CACNA1S: variants seen among roughly 807,000 people sequenced by gnomAD.
CACNA1S encodes voltage-dependent L-type calcium channel subunit alpha-1S.
In CACNA1S, 126 loss-of-function variants were observed where a neutral mutation model predicts 207.4. That is an observed-to-expected ratio of 0.61 (90% CI 0.53 to 0.70). CACNA1S has a LOEUF of 0.70. Ranked by LOEUF, CACNA1S falls within the 30% of genes least tolerant of loss-of-function variation. The pLI, the probability that CACNA1S is intolerant of heterozygous loss-of-function variation, is 0.00. For synonymous variants in CACNA1S, 960 were observed against 932.7 expected, an observed-to-expected ratio of 1.03 and a Z score of -0.53; for missense variants, 2,349 against 2,422.8, an observed-to-expected ratio of 0.97 and a Z score of 0.64.
chr1:201,075,678 C>CTT, intron 12 of CACNA1S, 63 bp from the exon 13 acceptor site: 1 of 1,558,162 alleles, frequency 6.4e-7, no homozygotes. Flanking sequence ...TCTATTGGGA[C>CTT]CGCATTGACC....
At chr1:201,112,041 A>G in intron 1 of CACNA1S, 147 bp downstream of exon 1, 1 of 578,940 alleles carries the variant, frequency 1.7e-6, no homozygotes, top group Non-Finnish European at 2.7e-6. Flanking sequence ...TCCTTCCCCC[A>G]GCTCCTCACT....
At chr1:201,086,151 G>C (rs1026922149) in intron 7 of CACNA1S, among the ~76,000 whole-genome samples, 1 of 152,214 alleles carries the variant, frequency 6.6e-6, no homozygotes, top group Non-Finnish European at 1.5e-5. Context: ...AGACAGCACA[G>C]GGGTAGTCTC....
In CACNA1S at chr1:201,069,426, G is replaced by A. The variant is rs1661370335; in HGVS notation, c.2490+46C>T. 3.1e-6 allele frequency: 5 copies of A among 1,603,700 alleles called. No homozygotes were observed. In the East Asian group the frequency reaches 1.1e-4, roughly 36 times the overall value. ...GAACCCTGGGCACCAGACTGAGGCT[G>A]GAGGGGGCAGGGGTGCTGAGTGGCA... On this transcript the variant is annotated intron_variant, in intron 18 of 43. Coordinates refer to ENST00000362061, the MANE Select transcript of CACNA1S (RefSeq NM_000069.3).
At chr1:201,087,750 C>T (rs1219557787) in intron 7 of CACNA1S, 76 bp downstream of exon 7, 25 of 984,932 alleles carry the variant, frequency 2.5e-5, no homozygotes, top group South Asian at 4.0e-5. Flanking sequence ...CTTTTCCCTC[C>T]GTTCCTTTTC....
At chr1:201,046,421 TC>T (rs1404925400) in intron 38 of CACNA1S, among the ~76,000 whole-genome samples, 1 of 150,934 alleles carries the variant, frequency 6.6e-6, no homozygotes, top group Non-Finnish European at 1.5e-5. Flanking sequence ...CCTCAAGTGA[TC>T]CGCCCTTCTT....
Position 201,111,871 on chromosome 1 carries a change from G to A in CACNA1S, c.152+317C>T, listed in dbSNP as rs568681286. 2.7e-5 allele frequency among the ~76,000 whole-genome samples: 4 copies of A among 145,566 alleles called. No individual in the cohort carries two copies. The East Asian group carries it at 8.2e-4, about 30-fold the overall frequency. On this transcript the variant is annotated intron_variant, in intron 1 of 43. Transcript: ENST00000362061. Reference sequence around the variant, plus strand: ...CTGGTTGTCATCCAGGACTTGGGTGGCCCACTCAGGCCCAGGAAGCCCCAC... The same window carrying A: ...CTGGTTGTCATCCAGGACTTGGGTGACCCACTCAGGCCCAGGAAGCCCCAC...
intron 5 of CACNA1S, among the ~76,000 whole-genome samples, chr1:201,091,250 T>C (rs1662217306): frequency 1.3e-5 from 2 of 152,218 alleles, no homozygotes; most frequent in African/African-American, 4.8e-5. Context: ...GACCCTATTC[T>C]GGGTGCCTGC....
chr1:201,063,177 T>C (rs1010756734), intron 22 of CACNA1S, among the ~76,000 whole-genome samples: 9 of 152,120 alleles, frequency 5.9e-5, no homozygotes, highest in African/African-American at 2.2e-4. Flanking sequence ...TTATAGAATT[T>C]TTTTTAAATT....
At position 201,077,057 on chromosome 1, in the gene CACNA1S, G is replaced by A. The variant is rs964085624; in HGVS notation, c.1690C>T (p.Leu564=). The A allele has an allele frequency of 6.2e-7, 1 of 1,614,132 alleles. No individual in the cohort carries two copies. Among genetic ancestry groups the A allele is most frequent in the Non-Finnish European group, 8.5e-7 (1 of 1,180,064 alleles). Residue 564 remains leucine, a synonymous_variant, in exon 12 of 44, where the codon CTG becomes TTG. Coordinates refer to ENST00000362061, the MANE Select transcript of CACNA1S (RefSeq NM_000069.3). ...ATGACGATGAAGAGGAAGAGCAGCA[G>A]CAGCAGGGAGGCGATGGAGCGGATG... ...NSIRSIASLL[L]LLFLFIVIFA...
chr1:201,052,895 G>A (rs1050673744), intron 31 of CACNA1S, among the ~76,000 whole-genome samples: 10 of 152,024 alleles, frequency 6.6e-5, no homozygotes, highest in East Asian at 1.9e-4. Context: ...AAGCAGACCC[G>A]GTAAGTCAAT....
intron 2 of CACNA1S, among the ~76,000 whole-genome samples, chr1:201,103,966 C>A (rs1280766065): frequency 6.6e-6 from 1 of 152,032 alleles, no homozygotes; most frequent in Non-Finnish European, 1.5e-5. Context: ...GCCAAATGGG[C>A]AGCCATCTTG....
chr1:201,100,034 C>A (rs1233839402), intron 2 of CACNA1S, among the ~76,000 whole-genome samples: 1 of 152,180 alleles, frequency 6.6e-6, no homozygotes, highest in African/African-American at 2.4e-5. Flanking sequence ...CTGTCACCTG[C>A]ACACTGCCTG....
chr1:201,091,981 C>T lies in CACNA1S; in HGVS notation c.532G>A (p.Gly178Arg), dbSNP rs1194119384. ...RVLRPLRLVS[G>R]VPSLQVVLNS... The stretch of plus-strand genomic sequence containing the variant: ...GGACACTGCCACCCACTAGGCACCC[C>T]CGACACCAGCCGGAGGGGTCTGAGC... The change falls in exon 4 of 44, where the codon GGG (glycine) becomes AGG (arginine). Residue 178 changes from glycine to arginine, a missense_variant. By Grantham distance (125) the Gly-to-Arg change is moderately radical. Transcript: ENST00000362061. The T allele has an allele frequency of 6.2e-7, 1 of 1,614,136 alleles. No homozygotes were observed. Among genetic ancestry groups the T allele is most frequent in the Non-Finnish European group, 8.5e-7 (1 of 1,179,994 alleles).
chr1:201,089,594 A>T (rs952875646), intron 5 of CACNA1S, 131 bp from the exon 6 acceptor site: 2 of 867,922 alleles, frequency 2.3e-6, no homozygotes, highest in Admixed American at 4.0e-5. Flanking sequence ...AATGCAAAAG[A>T]CAGCTTCACA....
At chr1:201,091,397 C>G (rs7532130) in intron 5 of CACNA1S, among the ~76,000 whole-genome samples, 1 of 152,224 alleles carries the variant, frequency 6.6e-6, no homozygotes, top group African/African-American at 2.4e-5. Context: ...GTATGTGGGG[C>G]AGGGGGGTGA....
At chr1:201,082,029 ATTTTTT>A (rs754037624) in intron 10 of CACNA1S, among the ~76,000 whole-genome samples, 4 of 126,756 alleles carry the variant, frequency 3.2e-5, no homozygotes, top group Non-Finnish European at 4.8e-5. Flanking sequence ...TCTCAGGTGC[ATTTTTT>A]TTTTTTTTTT....
In CACNA1S at chr1:201,083,346, T is replaced by C. The variant is rs12724643; in HGVS notation, c.1233-24A>G. On this transcript the variant is annotated intron_variant, in intron 9 of 43. Coordinates refer to ENST00000362061, the MANE Select transcript of CACNA1S (RefSeq NM_000069.3). Reference sequence around the variant, plus strand: ...GGCTGAGGGAGGGGACAGAGGATGGTCTACAGTGCTGTGCTGTTCTACGCC... The same window carrying C: ...GGCTGAGGGAGGGGACAGAGGATGGCCTACAGTGCTGTGCTGTTCTACGCC... The C allele has an allele frequency of 0.32, 519,096 of 1,611,838 alleles. 94,275 individuals carry two copies. The highest frequency in any genetic ancestry group is 0.38 in the Non-Finnish European group (448,218 of 1,177,960).
rs543352675 is a variant in CACNA1S, at chr1:201,054,473, G to A, written c.3666+32C>T. The A allele has an allele frequency of 1.2e-4, 188 of 1,607,000 alleles. 2 individuals are homozygous for A. The South Asian group carries it at 1.8e-3, about 16-fold the overall frequency. On this transcript the variant is annotated intron_variant, in intron 29 of 43. Transcript: ENST00000362061. ...AGTGGCAGGGCAGGAGCTGGTGAGC[G>A]TGCCAGGCAGGCTCGTGCAGCCTGA...
intron 18 of CACNA1S, 114 bp from the exon 19 acceptor site, chr1:201,069,310 C>A (rs1572042322): frequency 1.4e-6 from 2 of 1,415,472 alleles, no homozygotes; most frequent in East Asian, 2.3e-5. Context: ...CCAGCCTGTG[C>A]CGTTCAGAAG....
Sources: gnomAD v4.1 joint callset for allele counts (sites outside exome capture counted in the v4.1 genomes callset) on GRCh38, gnomAD v4.1.1 for gene constraint, MANE v1.5 for transcripts, NCBI Gene and HGNC (gene_info 2026-07-23, HGNC 2026-07-21) for gene names.